Variants in PFKFB3 observed in about 807,000 individuals in gnomAD.
PFKFB3 encodes the protein 6-phosphofructo-2-kinase/fructose-2,6-bisphosphatase 3.
In PFKFB3, 33 loss-of-function variants were observed where a neutral mutation model predicts 68.0. The ratio of observed to expected loss-of-function variants is 0.49; its 90% CI spans 0.37 to 0.65. The LOEUF (loss-of-function observed/expected upper bound fraction) is 0.65, where lower values mean the gene tolerates loss of function less well. Among genes scored for constraint, PFKFB3 ranks in the 30% least tolerant of loss-of-function variants. The pLI is 0.00. For synonymous variants in PFKFB3, 315 were observed against 288.2 expected (o/e 1.09, Z -0.94); for missense variants, 586 against 712.2 (o/e 0.82, Z 2.02).
chr10:6,284,598 A>C, the PFKFB3 span, among the ~76,000 whole-genome samples: 1 of 152,178 alleles, frequency 6.6e-6, no homozygotes, highest in African/African-American at 2.4e-5. Flanking sequence ...ATACACAATG[A>C]AATTTACCAT....
At chr10:6,206,277 T>C (rs921714686) in intron 1 of PFKFB3, among the ~76,000 whole-genome samples, 23 of 144,760 alleles carry the variant, frequency 1.6e-4, no homozygotes, top group Middle Eastern at 3.4e-3. Context: ...GGTAAGGTCA[T>C]AGATCAACAG....
At chr10:6,202,921 C>G (rs1451572024), upstream of PFKFB3, 28 of 1,188,382 alleles carry the variant, frequency 2.4e-5, no homozygotes, top group East Asian at 1.0e-3. Flanking sequence ...CGGCGGTGCG[C>G]GGGGCATCCC....
Position 6,203,325 on chromosome 10 carries a change from C to T in PFKFB3, c.65C>T (p.Ser22Leu), listed in dbSNP as rs1319219246. Residue 22 changes from serine (S) to leucine (L), a missense_variant, in exon 1 of 15, where the codon TCG (serine) becomes TTG (leucine). Coordinates refer to ENST00000379775, the MANE Select transcript of PFKFB3 (RefSeq NM_004566.4). ...TGGGTGCCCGTGGACCACAGGCCCT[C>T]GTTGCCCAGATGTGAGTGCAGCTGC... ...KIWVPVDHRPSLPRSCGPKLT... is the reference protein window; with the variant it reads ...KIWVPVDHRPLLPRSCGPKLT... 14 of 1,608,272 alleles carry T rather than the reference C, an allele frequency of 8.7e-6. No homozygotes were observed. Among genetic ancestry groups the T allele is most frequent in the South Asian group, 1.1e-5 (1 of 90,198 alleles).
At chr10:6,157,023 T>TA (rs1841824555) in intron 1 of PFKFB3, among the ~76,000 whole-genome samples, 1 of 150,314 alleles carries the variant, frequency 6.7e-6, no homozygotes, top group South Asian at 2.1e-4. Flanking sequence ...TCCTAAGAAG[T>TA]AGAGGTTGCA....
At position 6,213,738 on chromosome 10, in the gene PFKFB3, C is replaced by T. The variant is rs763750903; in HGVS notation, c.192C>T (p.Val64=). 2.7e-5 allele frequency: 43 copies of T among 1,612,400 alleles called. No homozygotes were observed. The East Asian group carries it at 5.8e-4, about 22-fold the overall frequency. The part of the protein sequence containing the change: ...KLTRYLNWIG[V]PTKVFNVGEY... ...CTCGCTACCTCAACTGGATTGGCGT[C>T]CCCACAAAAGGTGAGACTGGGTCTC... Residue 64 remains valine (V), a synonymous_variant, in exon 2 of 15, where the codon GTC becomes GTT. Coordinates refer to ENST00000379775, the MANE Select transcript of PFKFB3 (RefSeq NM_004566.4).
chr10:6,258,152 C>T (rs1461164705), downstream of PFKFB3, among the ~76,000 whole-genome samples: 1 of 152,078 alleles, frequency 6.6e-6, no homozygotes, highest in East Asian at 1.9e-4. Context: ...GTGAGAAAAG[C>T]AGTCTACTGA....
At chr10:6,290,549 A>G in the PFKFB3 span, among the ~76,000 whole-genome samples, 5 of 140,888 alleles carry the variant, frequency 3.5e-5, no homozygotes, top group African/African-American at 1.3e-4. Context: ...CCCAGGCTGG[A>G]GTGCAGTGGT....
rs1013438064 is a variant in PFKFB3 at position 6,228,701 on chromosome 10, G to A, written c.1515+2336G>A. ...ACCTATGGGGAATAGTGGGAGTGTG[G>A]TGGGGCCTGAGCTCTGAGCCTCTCC... is the stretch of plus-strand genomic sequence containing the variant. On this transcript the variant is annotated intron_variant, in intron 14 of 14. Transcript: ENST00000379775. This position sits in a 1 kb window ranked among gnomAD's most constrained non-coding sequence, Gnocchi z 4.5. Among the ~76,000 whole-genome samples, 24 of 151,970 alleles carry A rather than the reference G, an allele frequency of 1.6e-4. No homozygotes were observed. Among genetic ancestry groups the A allele is most frequent in the Non-Finnish European group, 2.1e-4 (14 of 67,998 alleles).
the PFKFB3 span, among the ~76,000 whole-genome samples, chr10:6,312,297 G>T: frequency 4.5e-5 from 6 of 133,110 alleles, no homozygotes; most frequent in Non-Finnish European, 9.6e-5. Context: ...TTTGTATCTT[G>T]GAAGAATAAA....
the PFKFB3 span, among the ~76,000 whole-genome samples, chr10:6,291,173 C>T: frequency 6.6e-6 from 1 of 152,020 alleles, no homozygotes; most frequent in Admixed American, 6.5e-5. Context: ...ATTCTAAAAC[C>T]ATCTGAAGTG....
chr10:6,156,632 C>T (rs1428427193), intron 1 of PFKFB3, among the ~76,000 whole-genome samples: 1 of 151,746 alleles, frequency 6.6e-6, no homozygotes, highest in African/African-American at 2.4e-5. Flanking sequence ...CCTCAGCCTC[C>T]CACCACCACC....
chr10:6,198,638 A>G (rs1421217218), upstream of PFKFB3, among the ~76,000 whole-genome samples: 4 of 152,260 alleles, frequency 2.6e-5, no homozygotes, highest in East Asian at 3.9e-4. Flanking sequence ...GTGTACCACC[A>G]CACCCAGCTA....
rs537067443 is a variant in PFKFB3 at position 6,184,923 on chromosome 10, C to T, written c.17-28700C>T. 8.5e-5 allele frequency among the ~76,000 whole-genome samples: 13 copies of T among 152,168 alleles called. No individual in the cohort carries two copies. The East Asian group carries it at 2.1e-3, about 25-fold the overall frequency. On this transcript the variant is annotated intron_variant, in intron 1 of 14. Transcript: ENST00000379789. ...CTGCCGGCCTTCCTCATGGCTCTTA[C>T]GTGCCACAGGTATTGAAAGCCACTG...
At chr10:6,195,523 A>G (rs1291134476) in intron 1 of PFKFB3, among the ~76,000 whole-genome samples, 6 of 152,236 alleles carry the variant, frequency 3.9e-5, no homozygotes, top group Non-Finnish European at 7.3e-5. Flanking sequence ...GTGGCTGGCC[A>G]TGTCTGCATG....
chr10:6,172,665 T>G (rs1842348360), intron 1 of PFKFB3, among the ~76,000 whole-genome samples: 1 of 151,722 alleles, frequency 6.6e-6, no homozygotes, highest in South Asian at 2.1e-4. Flanking sequence ...CTACAAAAAA[T>G]TAAAACATTA....
intron 1 of PFKFB3, among the ~76,000 whole-genome samples, chr10:6,188,817 C>T (rs893575710): frequency 1.4e-5 from 2 of 143,962 alleles, no homozygotes; most frequent in Non-Finnish European, 3.0e-5. Context: ...TGACGGATTT[C>T]CTTCCTTTTA....
At chr10:6,279,848 A>G in the PFKFB3 span, among the ~76,000 whole-genome samples, 1 of 152,012 alleles carries the variant, frequency 6.6e-6, no homozygotes, top group African/African-American at 2.4e-5. Flanking sequence ...GTGCTGGGCT[A>G]CTCTCTGCTG....
In PFKFB3 at chr10:6,196,976, CTTA is replaced by C. The variant is rs529886918; in HGVS notation, c.17-16626_17-16624del. ...TCTTTTATACTGCATTTTTACTGTA[CTTA>C]TTATTATTATTATTATTATTTTTGA... is the stretch of plus-strand genomic sequence containing the variant. On this transcript the variant is annotated intron_variant, in intron 1 of 14. Coordinates refer to the PFKFB3 transcript ENST00000379789. Among the ~76,000 whole-genome samples the C allele has an allele frequency of 2.2e-3, 334 of 148,482 alleles. 2 individuals carry two copies. The highest frequency in any genetic ancestry group is 0.014 in the Middle Eastern group (4 of 290).
chr10:6,283,887 C>G, the PFKFB3 span, among the ~76,000 whole-genome samples: 1 of 152,118 alleles, frequency 6.6e-6, no homozygotes. Flanking sequence ...AGGATTCAGT[C>G]AGATCATGCC....
Sources: allele counts gnomAD v4.1 joint callset (sites outside exome capture counted in the v4.1 genomes callset), GRCh38; gene constraint gnomAD v4.1.1; non-coding constraint Gnocchi (gnomAD v3.1); transcripts MANE v1.5; gene names NCBI Gene and HGNC (gene_info 2026-07-23, HGNC 2026-07-21).